Variants in LRRN3 observed in about 807,000 individuals in gnomAD.
The protein encoded by LRRN3 is leucine rich repeat neuronal 3, also known as leucine-rich repeat neuronal protein 3.
Under a neutral mutation model 40.1 loss-of-function variants are expected in LRRN3, and 15 were observed. The ratio of observed to expected loss-of-function variants is 0.37; its 90% CI spans 0.25 to 0.58. LRRN3 has a LOEUF of 0.58. Among genes scored for constraint, LRRN3 ranks in the 20% least tolerant of loss-of-function variants. The pLI is 0.72. For missense variants in LRRN3, 746 were observed against 837.7 expected (o/e 0.89, Z 1.35); for synonymous variants, 308 against 297.2 (o/e 1.04, Z -0.37).
intron 2 of LRRN3, among the ~76,000 whole-genome samples, chr7:111,114,597 G>A (rs1218992753): frequency 2.0e-5 from 3 of 151,696 alleles, no homozygotes; most frequent in African/African-American, 4.8e-5. Context: ...TTCGCTGGGT[G>A]TGGTGGCAGG....
chr7:111,097,967 C>T (rs938487936), intron 1 of LRRN3, among the ~76,000 whole-genome samples: 24 of 151,488 alleles, frequency 1.6e-4, no homozygotes, highest in African/African-American at 4.8e-4. Context: ...ATAGAGCAAG[C>T]GAAAAGAGAA....
At chr7:111,122,079 T>C (rs967688089) in intron 2 of LRRN3, among the ~76,000 whole-genome samples, 10 of 93,708 alleles carry the variant, frequency 1.1e-4, no homozygotes, top group African/African-American at 4.1e-4. Context: ...GGGCCTGTTG[T>C]GGGGTGGGGG....
At chr7:111,112,633 C>T (rs945353283) in intron 2 of LRRN3, among the ~76,000 whole-genome samples, 3 of 152,110 alleles carry the variant, frequency 2.0e-5, no homozygotes, top group Non-Finnish European at 2.9e-5. Flanking sequence ...ACAAATATAG[C>T]AATGTTGTTT....
In LRRN3 at chr7:111,099,341, A is replaced by G. The variant is rs1437010197; in HGVS notation, c.-440-540A>G. Among the ~76,000 whole-genome samples, 3 of 151,714 alleles carry G rather than the reference A, an allele frequency of 2.0e-5. No homozygotes were observed. In the East Asian group the frequency reaches 5.8e-4, roughly 29 times the overall value. ...ATGAAAATAGTCTGAATACAATTTCATTGCTACTATGAGCATCAATTTTCA... is the reference window on the plus strand; with the variant it reads ...ATGAAAATAGTCTGAATACAATTTCGTTGCTACTATGAGCATCAATTTTCA... On this transcript the variant is annotated intron_variant, in intron 1 of 2. Transcript: ENST00000308478.
rs1363684025 is a variant in LRRN3, at chr7:111,125,295, G to A, written c.*396G>A. 1 of 173,050 alleles carries A rather than the reference G, an allele frequency of 5.8e-6. No individual in the cohort carries two copies. Among genetic ancestry groups the A allele is most frequent in the Non-Finnish European group, 1.4e-5 (1 of 72,440 alleles). 10.7% of individuals were successfully genotyped at this position (173,050 alleles called of 1,614,324 possible). On this transcript the variant is annotated 3_prime_UTR_variant, in exon 3 of 3. Transcript: ENST00000308478. ...TAGCCACGAGTTTTTGCAGTGACCA[G>A]ATAAACTTGAATTGACACGTGGTGT...
intron 1 of LRRN3, among the ~76,000 whole-genome samples, chr7:111,096,508 T>TAA (rs5886589): frequency 0.012 from 1,706 of 144,642 alleles, 14 homozygotes; most frequent in South Asian, 0.02. Flanking sequence ...GAGTTAAATT[T>TAA]AAAAAAAAAA....
In LRRN3 at chr7:111,125,313, C is replaced by T. The variant is rs1202956944; in HGVS notation, c.*414C>T. On this transcript the variant is annotated 3_prime_UTR_variant, in exon 3 of 3. Coordinates refer to ENST00000308478, the MANE Select transcript of LRRN3 (RefSeq NM_001099658.2). ...GTGACCAGATAAACTTGAATTGACA[C>T]GTGGTGTAATAAAATGGACAAATTC... 1.8e-5 allele frequency: 3 copies of T among 170,614 alleles called. No individual in the cohort carries two copies. The highest frequency in any genetic ancestry group is 2.8e-5 in the Non-Finnish European group (2 of 70,884). The allele number at this position is 170,614 out of a possible 1,614,324, so 10.6% of individuals were successfully genotyped here.
chr7:111,112,574 G>A (rs938123809), intron 2 of LRRN3, among the ~76,000 whole-genome samples: 8 of 152,272 alleles, frequency 5.3e-5, no homozygotes, highest in African/African-American at 1.9e-4. Context: ...AAAGCTTACA[G>A]TGGAATGTAT....
At chr7:111,112,005 T>C (rs895623667) in intron 2 of LRRN3, among the ~76,000 whole-genome samples, 1 of 140,222 alleles carries the variant, frequency 7.1e-6, no homozygotes, top group African/African-American at 2.7e-5. Flanking sequence ...TGGAGTGCAG[T>C]GGTGCGATCT....
chr7:111,111,470 T>G (rs1465894928), intron 2 of LRRN3, among the ~76,000 whole-genome samples: 2 of 150,462 alleles, frequency 1.3e-5, no homozygotes, highest in South Asian at 2.2e-4. Flanking sequence ...GCCCTCTCTA[T>G]TCAACACATA....
intron 2 of LRRN3, among the ~76,000 whole-genome samples, chr7:111,117,466 T>C (rs1182666418): frequency 1.3e-5 from 2 of 152,130 alleles, no homozygotes; most frequent in Non-Finnish European, 2.9e-5. Flanking sequence ...CAATTTCTCA[T>C]TGACATCAGT....
At chr7:111,102,636 G>A (rs1156366078) in intron 2 of LRRN3, among the ~76,000 whole-genome samples, 3 of 151,538 alleles carry the variant, frequency 2.0e-5, no homozygotes, top group Non-Finnish European at 4.4e-5. Context: ...AAGCCCACAA[G>A]TATAATAAAA....
chr7:111,120,341 C>A (rs746388914), intron 2 of LRRN3, among the ~76,000 whole-genome samples: 2 of 152,112 alleles, frequency 1.3e-5, no homozygotes, highest in Admixed American at 6.6e-5. Flanking sequence ...AAAGGCACAT[C>A]TTACATTTAG....
intron 2 of LRRN3, among the ~76,000 whole-genome samples, chr7:111,107,282 A>T (rs547565336): frequency 4.6e-5 from 7 of 152,142 alleles, no homozygotes; most frequent in Admixed American, 1.3e-4. Flanking sequence ...CTAATAATTT[A>T]AATTATATGG....
rs2129589014 is a variant in LRRN3 at position 111,122,434 on chromosome 7, C to A, written c.-339C>A. 1 of 194,830 alleles carries A rather than the reference C, an allele frequency of 5.1e-6. No homozygotes were observed. The highest frequency in any genetic ancestry group is 1.3e-4 in the East Asian group (1 of 7,822). The allele number at this position is 194,830 out of a possible 1,614,324, so 12.1% of individuals were successfully genotyped here. On this transcript the variant is annotated 5_prime_UTR_variant, in exon 3 of 3. An upstream open reading frame in the 5' UTR gains an earlier in-frame stop. Transcript: ENST00000308478. ...ATTTAGCATCATGCTGCTATTCCTG[C>A]AAATACTGAAGAAGCATGGGATTTA... is the stretch of plus-strand genomic sequence containing the variant.
At chr7:111,117,324 A>G (rs1800007958) in intron 2 of LRRN3, among the ~76,000 whole-genome samples, 1 of 152,126 alleles carries the variant, frequency 6.6e-6, no homozygotes, top group African/African-American at 2.4e-5. Context: ...AACTCATGCA[A>G]CCAAATTTCT....
intron 1 of LRRN3, among the ~76,000 whole-genome samples, chr7:111,096,143 A>C (rs1440205279): frequency 6.6e-6 from 1 of 152,010 alleles, no homozygotes; most frequent in Non-Finnish European, 1.5e-5. Flanking sequence ...TTTACAGAGC[A>C]ATTTTTCAAC....
At chr7:111,111,328 T>C (rs899684859) in intron 2 of LRRN3, among the ~76,000 whole-genome samples, 4 of 147,130 alleles carry the variant, frequency 2.7e-5, no homozygotes, top group African/African-American at 5.1e-5. Context: ...AAAAAGTTAA[T>C]GTTAGCAAGG....
At chr7:111,095,656 A>T (rs1797321774) in intron 1 of LRRN3, among the ~76,000 whole-genome samples, 1 of 152,078 alleles carries the variant, frequency 6.6e-6, no homozygotes, top group African/African-American at 2.4e-5. Flanking sequence ...TAATACTGCT[A>T]TCCTTCACCT....
Sources: allele counts gnomAD v4.1 joint callset (sites outside exome capture counted in the v4.1 genomes callset), GRCh38; gene constraint gnomAD v4.1.1; transcripts MANE v1.5; gene names NCBI Gene and HGNC (gene_info 2026-07-23, HGNC 2026-07-21).